COL22A1: variants seen among roughly 807,000 people sequenced by gnomAD.
The protein encoded by COL22A1 is collagen alpha-1(XXII) chain.
COL22A1 carries 221 observed loss-of-function variants against 248.9 expected under a neutral mutation model. The observed-to-expected ratio is 0.89, with a 90% confidence interval of 0.80 to 0.99. The LOEUF is 0.99. Ranked by LOEUF, COL22A1 falls within the 50% of genes least tolerant of loss-of-function variation. The probability of loss-of-function intolerance (pLI) is 0.00; values close to 1 mark genes in which losing one functional copy is unlikely to be tolerated. For missense variants in COL22A1, 2,240 were observed against 2,179.0 expected (o/e 1.03, Z -0.56); for synonymous variants, 891 against 793.4 (o/e 1.12, Z -2.07).
intron 35 of COL22A1, among the ~76,000 whole-genome samples, chr8:138,692,508 T>C (rs1026785679): frequency 2.8e-4 from 38 of 136,398 alleles, no homozygotes; most frequent in Non-Finnish European, 5.8e-4. Flanking sequence ...TGTGTGTGTG[T>C]GTTGGCTTTG....
intron 23 of COL22A1, among the ~76,000 whole-genome samples, chr8:138,726,239 C>G (rs1387088356): frequency 6.6e-6 from 1 of 151,952 alleles, no homozygotes; most frequent in Non-Finnish European, 1.5e-5. Context: ...CAACTGTAAT[C>G]ACAGGACTTT....
intron 17 of COL22A1, among the ~76,000 whole-genome samples, chr8:138,761,857 GTCT>G (rs796145084): frequency 5.3e-5 from 8 of 152,306 alleles, no homozygotes; most frequent in African/African-American, 1.2e-4. Flanking sequence ...ATCGTCTTAT[GTCT>G]TCTTCTAGCG....
At chr8:138,635,159 C>T in intron 48 of COL22A1, 96 bp from the exon 49 acceptor site, 1 of 976,600 alleles carries the variant, frequency 1.0e-6, no homozygotes. Flanking sequence ...CAGAATCCAC[C>T]TTCCAACCCT....
intron 44 of COL22A1, among the ~76,000 whole-genome samples, chr8:138,656,855 T>C (rs750673971): frequency 1.3e-5 from 2 of 152,142 alleles, no homozygotes; most frequent in Non-Finnish European, 2.9e-5. Flanking sequence ...AAGTTTGAGT[T>C]TAGGTGTATG....
At chr8:138,846,117 G>C (rs558936524) in intron 3 of COL22A1, among the ~76,000 whole-genome samples, 7 of 152,302 alleles carry the variant, frequency 4.6e-5, no homozygotes, top group Admixed American at 3.3e-4. Context: ...GTACCAAGCT[G>C]TCTGTCTAGC....
chr8:138,660,847 C>A (rs1450628610), intron 43 of COL22A1, among the ~76,000 whole-genome samples: 15 of 145,404 alleles, frequency 1.0e-4, no homozygotes, highest in Admixed American at 1.4e-4. Context: ...CAGACACACA[C>A]ACACATACAC....
chr8:138,615,941 C>A, intron 55 of COL22A1, 60 bp downstream of exon 55: 1 of 1,316,716 alleles, frequency 7.6e-7, no homozygotes, highest in South Asian at 1.2e-5. Context: ...CTGGGTGTCA[C>A]TTCCTTGATA....
rs775826867 is a variant in COL22A1 at position 138,660,485 on chromosome 8, G to C, written c.3241-5C>G. 6.2e-7 allele frequency: 1 copy of C among 1,613,368 alleles called. No homozygotes were observed. The highest frequency in any genetic ancestry group is 1.1e-5 in the South Asian group (1 of 91,060). ...TCCTGGATTTCCTGGTGCACCCTAA[G>C]AGAAGAAGGAAATAAAACATTAACT... is the stretch of plus-strand genomic sequence containing the variant. On this transcript the variant is annotated splice_polypyrimidine_tract_variant and splice_region_variant and intron_variant, in intron 43 of 64. Transcript: ENST00000303045.
intron 41 of COL22A1, among the ~76,000 whole-genome samples, chr8:138,664,470 C>T (rs973227354): frequency 1.3e-5 from 2 of 152,060 alleles, no homozygotes; most frequent in African/African-American, 4.8e-5. Context: ...CTCTGTCCTG[C>T]CTTTCTGCCT....
At chr8:138,903,466 A>T (rs1319212886) in intron 1 of COL22A1, among the ~76,000 whole-genome samples, 1 of 152,144 alleles carries the variant, frequency 6.6e-6, no homozygotes, top group African/African-American at 2.4e-5. Context: ...TGCATCCCAT[A>T]AAGGTCTAAT....
In COL22A1 at chr8:138,722,055, G is replaced by A. The variant is rs1204159398; in HGVS notation, c.2282C>T (p.Pro761Leu). ...ACCAACCTTGGTTCCTGGCGGACCT[G>A]GTGGTCCATTTGGCCCGTCCTTTCC... ...PPGKDGPNGP[P>L]GPPGTKGEPG... The change falls in exon 26 of 65, where the codon CCA becomes CTA. Residue 761 changes from proline to leucine, a missense_variant. Transcript: ENST00000303045. 6.3e-7 allele frequency: 1 copy of A among 1,581,270 alleles called. No individual in the cohort carries two copies. The highest frequency in any genetic ancestry group is 8.6e-7 in the Non-Finnish European group (1 of 1,161,620).
chr8:138,877,693 G>A (rs1823830083), intron 3 of COL22A1, 57 bp downstream of exon 3: 1 of 1,482,228 alleles, frequency 6.7e-7, no homozygotes, highest in South Asian at 1.4e-5. Context: ...CCCTCCCGTG[G>A]GCTCAGCAGG....
At chr8:138,668,631 C>G (rs1403970362) in intron 41 of COL22A1, among the ~76,000 whole-genome samples, 2 of 152,232 alleles carry the variant, frequency 1.3e-5, no homozygotes, top group Admixed American at 1.3e-4. Flanking sequence ...TTCCCCCTAC[C>G]ATAGGCACAG....
intron 26 of COL22A1, among the ~76,000 whole-genome samples, chr8:138,721,345 A>G (rs1258078608): frequency 1.3e-5 from 2 of 152,214 alleles, no homozygotes; most frequent in African/African-American, 4.8e-5. Flanking sequence ...TGCTCACAGG[A>G]AAGAATAAAG....
At chr8:138,611,268 G>A (rs1818838386) in intron 56 of COL22A1, among the ~76,000 whole-genome samples, 1 of 152,212 alleles carries the variant, frequency 6.6e-6, no homozygotes, top group South Asian at 2.1e-4. Context: ...GGATTACCTT[G>A]CTGGATTCTT....
At chr8:138,884,527 G>T (rs1021775989) in intron 1 of COL22A1, among the ~76,000 whole-genome samples, 2 of 152,200 alleles carry the variant, frequency 1.3e-5, no homozygotes, top group African/African-American at 4.8e-5. Flanking sequence ...CTTTTTAAAA[G>T]AGTCTAATAA....
rs767526883 is a variant in COL22A1, at chr8:138,807,782, GC to G, written c.1479del (p.Leu494SerfsTer8). The G allele has an allele frequency of 2.5e-6, 4 of 1,613,908 alleles. No individual in the cohort carries two copies. In the Admixed American group the frequency reaches 5.0e-5, roughly 20 times the overall value. On this transcript the variant is annotated frameshift_variant, in exon 10 of 65. Coordinates refer to ENST00000303045, the MANE Select transcript of COL22A1 (RefSeq NM_152888.3). LOFTEE classifies it high-confidence loss of function. ...KGEMGVAGPM[G>X]LPGPKGDIGA... ...CCTGTACTGACCTTTGGACCAGGGA[GC>G]CCCATGGGGCCAGCAACTCCCATTT...
intron 16 of COL22A1, among the ~76,000 whole-genome samples, chr8:138,764,165 T>C (rs189354972): frequency 7.2e-5 from 11 of 152,342 alleles, no homozygotes; most frequent in Non-Finnish European, 1.5e-4. Context: ...TCATGGCTGC[T>C]GTGCTCGCTG....
At chr8:138,597,100 C>A in intron 61 of COL22A1, 130 bp from the exon 62 acceptor site, 1 of 676,516 alleles carries the variant, frequency 1.5e-6, no homozygotes, top group South Asian at 1.8e-5. Flanking sequence ...TGTTCCTAGC[C>A]CAATCTTTTC....
Sources: gnomAD v4.1 joint callset for allele counts (sites outside exome capture counted in the v4.1 genomes callset) on GRCh38, gnomAD v4.1.1 for gene constraint, MANE v1.5 for transcripts, NCBI Gene and HGNC (gene_info 2026-07-23, HGNC 2026-07-21) for gene names.